The following EXOC4 variants were observed in gnomAD, a reference collection of about 807,000 sequenced individuals.
EXOC4 encodes the protein exocyst complex component 4, also known as SEC8-like 1.
In EXOC4, 71 loss-of-function variants were observed where a neutral mutation model predicts 107.2. That is an observed-to-expected ratio of 0.66 (90% CI 0.55 to 0.81). The LOEUF (loss-of-function observed/expected upper bound fraction) is 0.81, where lower values mean the gene tolerates loss of function less well. EXOC4 is among the 30% of genes least tolerant of loss of function. The probability of loss-of-function intolerance (pLI) is 0.00; values close to 1 mark genes in which losing one functional copy is unlikely to be tolerated. For missense variants in EXOC4, 1,108 were observed against 1,189.6 expected, an observed-to-expected ratio of 0.93 and a Z score of 1.01; for synonymous variants, 456 against 441.2, an observed-to-expected ratio of 1.03 and a Z score of -0.42.
chr7:133,664,671 T>A (rs190547327), intron 10 of EXOC4, among the ~76,000 whole-genome samples: 1 of 152,276 alleles, frequency 6.6e-6, no homozygotes, highest in East Asian at 1.9e-4. Context: ...CTTTGTAGTT[T>A]CCCTTAGCCT....
At chr7:133,308,189 G>A (rs745375273) in intron 4 of EXOC4, among the ~76,000 whole-genome samples, 6 of 152,182 alleles carry the variant, frequency 3.9e-5, no homozygotes, top group Non-Finnish European at 7.3e-5. Flanking sequence ...TCAATCCAGT[G>A]ATTTTAGGGG....
intron 7 of EXOC4, among the ~76,000 whole-genome samples, chr7:133,395,381 A>G (rs538935863): frequency 5.9e-5 from 9 of 152,280 alleles, no homozygotes; most frequent in African/African-American, 1.9e-4. Context: ...GTGAAGAATG[A>G]TGCCCTTTTC....
chr7:133,692,326 G>A (rs182969205), intron 10 of EXOC4, among the ~76,000 whole-genome samples: 3 of 152,234 alleles, frequency 2.0e-5, no homozygotes, highest in African/African-American at 7.2e-5. Flanking sequence ...TTTTACTAAA[G>A]TCTTTTCTCT....
At chr7:133,752,634 G>A (rs1442825488) in intron 10 of EXOC4, among the ~76,000 whole-genome samples, 2 of 152,138 alleles carry the variant, frequency 1.3e-5, no homozygotes, top group East Asian at 3.9e-4. Flanking sequence ...TTATAAGTGT[G>A]ATCACTGTTT....
At chr7:133,302,740 T>C (rs1183092309) in intron 3 of EXOC4, among the ~76,000 whole-genome samples, 2 of 152,200 alleles carry the variant, frequency 1.3e-5, no homozygotes, top group African/African-American at 4.8e-5. Flanking sequence ...GAACCTGTTT[T>C]TTTTTATAAT....
intron 10 of EXOC4, among the ~76,000 whole-genome samples, chr7:133,779,247 C>G (rs552245387): frequency 6.6e-6 from 1 of 152,228 alleles, no homozygotes; most frequent in South Asian, 2.1e-4. Context: ...CCATTTTCAT[C>G]ATATAAGTGA....
chr7:133,729,886 C>T (rs1334574347), intron 10 of EXOC4, among the ~76,000 whole-genome samples: 2 of 151,882 alleles, frequency 1.3e-5, no homozygotes, highest in East Asian at 3.9e-4. Context: ...TCTAGGTCTA[C>T]AGTAGTCCAG....
Position 133,999,122 on chromosome 7 carries a change from G to C in EXOC4, c.2348+1489G>C, listed in dbSNP as rs144272478. Among the ~76,000 whole-genome samples, 753 of 152,238 alleles carry C rather than the reference G, an allele frequency of 4.9e-3. 5 individuals carry two copies. The highest frequency in any genetic ancestry group is 0.017 in the African/African-American group (717 of 41,536). ...CTAGGTAGCAATGTCAAAACATCAG[G>C]ATCAGAAAGTGCATGGTGTGGTAAT... On this transcript the variant is annotated intron_variant, in intron 15 of 17. Transcript: ENST00000253861.
intron 8 of EXOC4, among the ~76,000 whole-genome samples, chr7:133,476,972 A>ATTC (rs35515631): frequency 0.77 from 116,606 of 151,826 alleles, 45,532 homozygotes; most frequent in East Asian, 0.95. Flanking sequence ...ATTGCATGTG[A>ATTC]TTCTCCCTGT....
In EXOC4 at chr7:133,518,520, G is replaced by A. The variant is rs938224598; in HGVS notation, c.1417+38382G>A. 1.6e-4 allele frequency among the ~76,000 whole-genome samples: 24 copies of A among 151,844 alleles called. 1 individual carries two copies. Among genetic ancestry groups the A allele is most frequent in the African/African-American group, 5.8e-4 (24 of 41,312 alleles). The stretch of plus-strand genomic sequence containing the variant: ...ATAACTTAAAAGAATTGAAAACAGG[G>A]ACTCAAACAGATATTTTATACCCAT... On this transcript the variant is annotated intron_variant, in intron 9 of 17. Coordinates refer to ENST00000253861, the MANE Select transcript of EXOC4 (RefSeq NM_021807.4).
intron 2 of EXOC4, among the ~76,000 whole-genome samples, chr7:133,277,824 T>A (rs545011315): frequency 2.4e-4 from 36 of 152,328 alleles, no homozygotes; most frequent in African/African-American, 8.4e-4. Context: ...GACAGTCCAT[T>A]TCTTGTCACC....
At chr7:133,436,844 A>G (rs1457349391) in intron 7 of EXOC4, among the ~76,000 whole-genome samples, 1 of 152,146 alleles carries the variant, frequency 6.6e-6, no homozygotes, top group Non-Finnish European at 1.5e-5. Context: ...TTGTGTGGAT[A>G]ATTACTTTAG....
intron 9 of EXOC4, among the ~76,000 whole-genome samples, chr7:133,578,301 T>G (rs1801177003): frequency 6.6e-6 from 1 of 152,176 alleles, no homozygotes; most frequent in African/African-American, 2.4e-5. Context: ...CTCTTTTCAC[T>G]TTACTTAATG....
chr7:133,984,460 G>A (rs1044699423), intron 14 of EXOC4, among the ~76,000 whole-genome samples: 35 of 152,082 alleles, frequency 2.3e-4, no homozygotes, highest in Non-Finnish European at 8.8e-5. Context: ...AATGTTCCAG[G>A]TGAATGAACT....
chr7:133,575,709 C>T (rs1801113080), intron 9 of EXOC4, among the ~76,000 whole-genome samples: 1 of 152,208 alleles, frequency 6.6e-6, no homozygotes, highest in Non-Finnish European at 1.5e-5. Context: ...TGCCTCTCTC[C>T]TCCCTGGCTT....
chr7:133,856,082 A>G (rs1327086110), intron 11 of EXOC4, among the ~76,000 whole-genome samples: 2 of 152,222 alleles, frequency 1.3e-5, no homozygotes, highest in African/African-American at 4.8e-5. Context: ...ATTGTAAGAA[A>G]CTGCCCTGTG....
intron 14 of EXOC4, among the ~76,000 whole-genome samples, chr7:133,945,632 A>C (rs1800531759): frequency 6.6e-6 from 1 of 152,202 alleles, no homozygotes; most frequent in African/African-American, 2.4e-5. Flanking sequence ...CAATTGCCAA[A>C]CCAATGGAAT....
intron 7 of EXOC4, among the ~76,000 whole-genome samples, chr7:133,447,834 A>G (rs970302004): frequency 2.6e-5 from 4 of 152,170 alleles, no homozygotes; most frequent in African/African-American, 9.7e-5. Flanking sequence ...GAGAAGAGTT[A>G]ATAAAAAAAC....
chr7:133,649,539 T>C (rs906271726), intron 10 of EXOC4, among the ~76,000 whole-genome samples: 5 of 151,238 alleles, frequency 3.3e-5, no homozygotes, highest in Non-Finnish European at 7.4e-5. Flanking sequence ...TTTGTGTTCC[T>C]GAAGAAGGGA....
Sources: gnomAD v4.1 joint callset for allele counts (sites outside exome capture counted in the v4.1 genomes callset) on GRCh38, gnomAD v4.1.1 for gene constraint, MANE v1.5 for transcripts, NCBI Gene and HGNC (gene_info 2026-07-23, HGNC 2026-07-21) for gene names.